The following SIL1 variants were observed in gnomAD, a reference collection of about 807,000 sequenced individuals.
SIL1 encodes the protein SIL1 nucleotide exchange factor.
Under a neutral mutation model 49.1 loss-of-function variants are expected in SIL1, and 40 were observed. That is an observed-to-expected ratio of 0.81 (90% CI 0.63 to 1.06). The LOEUF (loss-of-function observed/expected upper bound fraction) is 1.06, where lower values mean the gene tolerates loss of function less well. Among genes scored for constraint, SIL1 ranks in the 50% least tolerant of loss-of-function variants. SIL1 has a pLI of 0.00. For missense variants in SIL1, 500 were observed against 572.6 expected (o/e 0.87, Z 1.29); for synonymous variants, 253 against 250.8 (o/e 1.01, Z -0.08).
At chr5:138,977,300 C>T (rs556615149) in intron 7 of SIL1, among the ~76,000 whole-genome samples, 2 of 152,210 alleles carry the variant, frequency 1.3e-5, no homozygotes, top group East Asian at 3.9e-4. Flanking sequence ...GAAGCACTAT[C>T]ATGGCCATCA....
intron 3 of SIL1, among the ~76,000 whole-genome samples, chr5:139,052,549 T>G (rs998940684): frequency 6.6e-6 from 1 of 152,126 alleles, no homozygotes; most frequent in East Asian, 1.9e-4. Flanking sequence ...CCAAGTGTGG[T>G]GGCAGGAACC....
chr5:139,016,505 C>A (rs1352266418), intron 7 of SIL1, among the ~76,000 whole-genome samples: 1 of 152,028 alleles, frequency 6.6e-6, no homozygotes, highest in Non-Finnish European at 1.5e-5. Flanking sequence ...AGAAGGAGGA[C>A]AAGGCTGGAG....
At chr5:139,196,967 C>CA (rs934144882) in intron 1 of SIL1, among the ~76,000 whole-genome samples, 70 of 150,744 alleles carry the variant, frequency 4.6e-4, no homozygotes, top group South Asian at 1.9e-3. Context: ...TTCACAATGT[C>CA]AAAAAAAAAC....
At chr5:139,185,485 T>C (rs1752062329) in intron 1 of SIL1, among the ~76,000 whole-genome samples, 2 of 152,260 alleles carry the variant, frequency 1.3e-5, no homozygotes, top group Admixed American at 1.3e-4. Context: ...CTCTTGTTTA[T>C]ACCAATGAGC....
intron 8 of SIL1, 38 bp downstream of exon 8, chr5:138,951,750 C>A: frequency 1.3e-6 from 2 of 1,584,616 alleles, no homozygotes; most frequent in Non-Finnish European, 1.7e-6. Context: ...CCACACGTGT[C>A]CTGGAGGCTG....
chr5:139,116,056 C>A (rs1006736651), intron 3 of SIL1, among the ~76,000 whole-genome samples: 2 of 152,122 alleles, frequency 1.3e-5, no homozygotes, highest in African/African-American at 2.4e-5. Context: ...AGCCAGAGGC[C>A]CAACAGAAAC....
chr5:138,985,822 G>C (rs1278418608), intron 7 of SIL1, among the ~76,000 whole-genome samples: 1 of 152,196 alleles, frequency 6.6e-6, no homozygotes, highest in Non-Finnish European at 1.5e-5. Context: ...GAGATAAGTG[G>C]TGGCAGAGCT....
chr5:139,172,045 G>T (rs952377352), intron 1 of SIL1, among the ~76,000 whole-genome samples: 2 of 152,142 alleles, frequency 1.3e-5, no homozygotes, highest in African/African-American at 4.8e-5. Context: ...CTGGACAATG[G>T]AAATTATCAA....
At chr5:139,009,031 C>A (rs1768189146) in intron 7 of SIL1, among the ~76,000 whole-genome samples, 1 of 150,540 alleles carries the variant, frequency 6.6e-6, no homozygotes, top group Non-Finnish European at 1.5e-5. Context: ...GACTTTCTGT[C>A]TCGTTGATCT....
At chr5:138,965,716 A>T (rs1767125112) in intron 7 of SIL1, among the ~76,000 whole-genome samples, 1 of 150,274 alleles carries the variant, frequency 6.7e-6, no homozygotes, top group Non-Finnish European at 1.5e-5. Context: ...TCCAGAGGGA[A>T]GTGTCATGGC....
intron 1 of SIL1, among the ~76,000 whole-genome samples, chr5:139,141,237 A>G (rs1022379057): frequency 1.3e-5 from 2 of 152,230 alleles, no homozygotes; most frequent in African/African-American, 4.8e-5. Context: ...TGGCACTCAA[A>G]AAATAGCCAT....
At chr5:139,106,780 T>C (rs1770722736) in intron 3 of SIL1, among the ~76,000 whole-genome samples, 1 of 152,244 alleles carries the variant, frequency 6.6e-6, no homozygotes, top group African/African-American at 2.4e-5. Context: ...GAAAAGCACA[T>C]GTACCTTTTA....
At chr5:139,139,266 A>G (rs1486941680) in intron 1 of SIL1, among the ~76,000 whole-genome samples, 1 of 152,180 alleles carries the variant, frequency 6.6e-6, no homozygotes, top group Non-Finnish European at 1.5e-5. Context: ...CCCAAAGAAC[A>G]CCAGGGACTT....
chr5:138,982,674 C>A (rs1252603637), intron 7 of SIL1, among the ~76,000 whole-genome samples: 1 of 152,180 alleles, frequency 6.6e-6, no homozygotes, highest in African/African-American at 2.4e-5. Flanking sequence ...AGTGGGATGC[C>A]GGTGCTCCTG....
At chr5:139,093,025 C>T (rs780129038) in intron 3 of SIL1, among the ~76,000 whole-genome samples, 39 of 152,256 alleles carry the variant, frequency 2.6e-4, no homozygotes, top group Non-Finnish European at 4.4e-4. Context: ...CAGTGGTGTG[C>T]CCCTATAGTC....
At chr5:139,136,899 C>T (rs1404272036) in intron 1 of SIL1, among the ~76,000 whole-genome samples, 2 of 152,212 alleles carry the variant, frequency 1.3e-5, no homozygotes, top group Non-Finnish European at 2.9e-5. Context: ...TACCCCACAA[C>T]ACACATGACC....
At chr5:139,144,116 T>C (rs1053188220) in intron 1 of SIL1, among the ~76,000 whole-genome samples, 3 of 152,124 alleles carry the variant, frequency 2.0e-5, no homozygotes, top group African/African-American at 7.2e-5. Flanking sequence ...ATCCTAAAAT[T>C]CACATGGAGT....
chr5:139,107,559 T>C (rs1770745170), intron 3 of SIL1, among the ~76,000 whole-genome samples: 1 of 152,230 alleles, frequency 6.6e-6, no homozygotes, highest in South Asian at 2.1e-4. Context: ...TTTCCACTAA[T>C]GTTTTTCTCT....
chr5:139,029,737 G>A (rs548961614), intron 5 of SIL1, among the ~76,000 whole-genome samples: 1 of 151,896 alleles, frequency 6.6e-6, no homozygotes, highest in Non-Finnish European at 1.5e-5. Flanking sequence ...TGGCTCAAGC[G>A]ATCCACCCAC....
Sources: allele counts gnomAD v4.1 joint callset (sites outside exome capture counted in the v4.1 genomes callset), GRCh38; gene constraint gnomAD v4.1.1; transcripts MANE v1.5; gene names NCBI Gene and HGNC (gene_info 2026-07-23, HGNC 2026-07-21).